The following CCDC170 variants were observed in gnomAD, a reference collection of about 807,000 sequenced individuals.
CCDC170 encodes the protein coiled-coil domain-containing protein 170.
Under a neutral mutation model 72.6 loss-of-function variants are expected in CCDC170, and 69 were observed. The ratio of observed to expected loss-of-function variants is 0.95; its 90% CI spans 0.78 to 1.16. The LOEUF is 1.16. Among genes scored for constraint, CCDC170 ranks in the 50% most tolerant of loss-of-function variants. CCDC170 has a pLI of 0.00. For synonymous variants in CCDC170, 300 were observed against 303.9 expected, an observed-to-expected ratio of 0.99 and a Z score of 0.13; for missense variants, 852 against 832.5, an observed-to-expected ratio of 1.02 and a Z score of -0.29.
At chr6:151,590,951 G>C (rs932646843) in intron 7 of CCDC170, among the ~76,000 whole-genome samples, 2 of 152,178 alleles carry the variant, frequency 1.3e-5, no homozygotes, top group African/African-American at 2.4e-5. Context: ...AGCTGATACA[G>C]CATTAAACAG....
chr6:151,612,601 C>T (rs1776891357), intron 9 of CCDC170, among the ~76,000 whole-genome samples: 1 of 152,084 alleles, frequency 6.6e-6, no homozygotes, highest in African/African-American at 2.4e-5. Flanking sequence ...ATTTTTCTCC[C>T]CACTTCTCTC....
chr6:151,525,148 A>G (rs918049185), intron 1 of CCDC170, among the ~76,000 whole-genome samples: 18 of 152,162 alleles, frequency 1.2e-4, no homozygotes, highest in Middle Eastern at 3.4e-3. Context: ...TAGCCAGGAT[A>G]GTCTCAATCT....
intron 5 of CCDC170, among the ~76,000 whole-genome samples, chr6:151,566,179 T>C (rs982841246): frequency 1.3e-5 from 2 of 152,226 alleles, no homozygotes; most frequent in African/African-American, 4.8e-5. Context: ...GGGAAGGTCT[T>C]CCTCATTTTG....
At chr6:151,563,629 A>C (rs1257967055) in intron 5 of CCDC170, among the ~76,000 whole-genome samples, 4 of 152,122 alleles carry the variant, frequency 2.6e-5, no homozygotes, top group Non-Finnish European at 5.9e-5. Context: ...TGGTGCCCAC[A>C]GTCTCAGCTC....
chr6:151,600,879 C>G (rs1327864033), intron 9 of CCDC170, among the ~76,000 whole-genome samples: 1 of 152,174 alleles, frequency 6.6e-6, no homozygotes, highest in Non-Finnish European at 1.5e-5. Context: ...AAATCCCACA[C>G]CCATCCACAG....
At chr6:151,543,331 A>G (rs4870036) in intron 3 of CCDC170, among the ~76,000 whole-genome samples, 92,735 of 152,008 alleles carry the variant, frequency 0.61, 30,631 homozygotes, top group Admixed American at 0.72. Context: ...TAGTTGACTT[A>G]TAATAATTGT....
intron 6 of CCDC170, among the ~76,000 whole-genome samples, chr6:151,579,134 G>A (rs1288532217): frequency 6.6e-6 from 1 of 151,436 alleles, no homozygotes; most frequent in Non-Finnish European, 1.5e-5. Flanking sequence ...TGAAATATCT[G>A]GTGCATTTTG....
chr6:151,585,597 G>A (rs1776440452), intron 6 of CCDC170, among the ~76,000 whole-genome samples: 1 of 152,044 alleles, frequency 6.6e-6, no homozygotes, highest in Admixed American at 6.6e-5. Flanking sequence ...GAAACTCTTA[G>A]CAATAGTTTT....
chr6:151,593,013 C>T (rs1167542012), intron 7 of CCDC170, 94 bp from the exon 8 acceptor site: 1 of 1,329,402 alleles, frequency 7.5e-7, no homozygotes, highest in Non-Finnish European at 1.1e-6. Flanking sequence ...AGGAGAATTA[C>T]CTGTAAGCTT....
Position 151,596,527 on chromosome 6 carries a change from G to A in CCDC170, c.1660G>A (p.Asp554Asn). ...GCAGAAAGAGCTGAACACGTGTCGA[G>A]ACTTGCACACCGAGCTCAAAGCCAA... ...RLQKELNTCR[D>N]LHTELKAKLA... Residue 554 changes from aspartate (D) to asparagine (N), a missense_variant, in exon 9 of 11, where the codon GAC (aspartate) becomes AAC (asparagine). Asp to Asn is a conservative substitution (Grantham distance 23). Transcript: ENST00000239374. 2 of 1,614,142 alleles carry A rather than the reference G, an allele frequency of 1.2e-6. No individual in the cohort carries two copies. The highest frequency in any genetic ancestry group is 1.7e-6 in the Non-Finnish European group (2 of 1,180,006).
rs577450833 is a variant in CCDC170, at chr6:151,526,519, C to CTT, written c.58-9785_58-9784dup. Among the ~76,000 whole-genome samples, 721 of 131,622 alleles carry CTT rather than the reference C, an allele frequency of 5.5e-3. 16 individuals are homozygous for CTT. Among genetic ancestry groups the CTT allele is most frequent in the African/African-American group, 0.019 (663 of 35,268 alleles). The allele number at this position is 131,622 out of a possible 152,430, so 86.3% of individuals were successfully genotyped here. On this transcript the variant is annotated intron_variant, in intron 1 of 10. Transcript: ENST00000239374. ...ACAGGCATGAGCCACCCCGCCTGGC[C>CTT]TTTTTTTTTTTTTTTGAGATGGAGA...
chr6:151,580,324 G>A (rs769193876), intron 6 of CCDC170, among the ~76,000 whole-genome samples: 2 of 152,092 alleles, frequency 1.3e-5, no homozygotes, highest in South Asian at 2.1e-4. Context: ...GCAGTCCAAC[G>A]TGAAACCACA....
intron 1 of CCDC170, among the ~76,000 whole-genome samples, chr6:151,504,926 G>A (rs1186495308): frequency 6.6e-6 from 1 of 152,018 alleles, no homozygotes; most frequent in Non-Finnish European, 1.5e-5. Context: ...AGCTGCAGTA[G>A]GGACTGAGTG....
intron 1 of CCDC170, among the ~76,000 whole-genome samples, chr6:151,506,375 T>G (rs1782067505): frequency 6.6e-6 from 1 of 152,252 alleles, no homozygotes; most frequent in Admixed American, 6.5e-5. Flanking sequence ...TCATGTCTGG[T>G]TCACGATTTT....
chr6:151,518,396 T>A (rs915467149), intron 1 of CCDC170, among the ~76,000 whole-genome samples: 8 of 152,094 alleles, frequency 5.3e-5, no homozygotes, highest in Non-Finnish European at 7.4e-5. Flanking sequence ...AGGACTAAGA[T>A]GTTAGTAAAA....
chr6:151,504,967 C>T (rs527530915), intron 1 of CCDC170, among the ~76,000 whole-genome samples: 5 of 152,080 alleles, frequency 3.3e-5, no homozygotes, highest in South Asian at 4.2e-4. Context: ...AAAGGAGAGA[C>T]GCTCAGTAGA....
intron 1 of CCDC170, among the ~76,000 whole-genome samples, chr6:151,528,436 T>C (rs926788869): frequency 6.6e-6 from 1 of 152,248 alleles, no homozygotes; most frequent in African/African-American, 2.4e-5. Context: ...ACCTTCTTCA[T>C]AAAGACACAG....
chr6:151,601,983 T>C (rs1476353230), intron 9 of CCDC170, among the ~76,000 whole-genome samples: 1 of 152,224 alleles, frequency 6.6e-6, no homozygotes, highest in East Asian at 1.9e-4. Flanking sequence ...CATTCAGCAT[T>C]TGATGAGCAT....
Position 151,573,221 on chromosome 6 carries a change from T to TA in CCDC170, c.824dup (p.Ile276AspfsTer29), listed in dbSNP as rs1302520989. The TA allele has an allele frequency of 1.2e-6, 2 of 1,614,032 alleles. No individual in the cohort carries two copies. The stretch of plus-strand genomic sequence containing the variant: ...CAAAAGAAGCTCTTGAAAGGGAAGT[T>TA]AAGATCTTCCAAGAAAGGCTGCTTG... On this transcript the variant is annotated frameshift_variant, in exon 6 of 11. Coordinates refer to ENST00000239374, the MANE Select transcript of CCDC170 (RefSeq NM_025059.4). LOFTEE classifies it high-confidence loss of function.
Sources: gnomAD v4.1 joint callset for allele counts (sites outside exome capture counted in the v4.1 genomes callset) on GRCh38, gnomAD v4.1.1 for gene constraint, MANE v1.5 for transcripts, NCBI Gene and HGNC (gene_info 2026-07-23, HGNC 2026-07-21) for gene names.